SPAG6: variants seen among roughly 807,000 people sequenced by gnomAD.
SPAG6 encodes the protein sperm-associated antigen 6.
A neutral mutation model predicts 58.5 loss-of-function variants in SPAG6; 49 were observed. That is an observed-to-expected ratio of 0.84 (90% confidence interval 0.67 to 1.06). The LOEUF is 1.06. Ranked by LOEUF, SPAG6 falls within the 50% of genes least tolerant of loss-of-function variation. The pLI, the probability that SPAG6 is intolerant of heterozygous loss-of-function variation, is 0.00. For missense variants in SPAG6, 560 were observed against 611.3 expected, an observed-to-expected ratio of 0.92 and a Z score of 0.89; for synonymous variants, 233 against 225.6, an observed-to-expected ratio of 1.03 and a Z score of -0.29.
At chr10:22,376,926 A>G (rs183810794) in intron 4 of SPAG6, among the ~76,000 whole-genome samples, 72 of 152,168 alleles carry the variant, frequency 4.7e-4, no homozygotes, top group Admixed American at 1.0e-3. Flanking sequence ...CTCTTAAAAA[A>G]AAAAATTAGC....
At chr10:22,400,282 T>G (rs1476728383) in intron 8 of SPAG6, among the ~76,000 whole-genome samples, 2 of 151,946 alleles carry the variant, frequency 1.3e-5, no homozygotes, top group African/African-American at 4.8e-5. Flanking sequence ...GCACAAAACC[T>G]CAGACAAGCA....
At position 22,377,031 on chromosome 10, in the gene SPAG6, C is replaced by G. The variant is rs577352327; in HGVS notation, c.472+8353C>G. ...TAAGCTATGATGGCGCCACTGCACT[C>G]TGGCCTGGGTGACAGAGTGAGATCC... On this transcript the variant is annotated intron_variant, in intron 4 of 10. Transcript: ENST00000376624. Among the ~76,000 whole-genome samples, 3 of 151,774 alleles carry G rather than the reference C, an allele frequency of 2.0e-5. No individual in the cohort carries two copies. The South Asian group carries it at 6.3e-4, about 32-fold the overall frequency.
intron 10 of SPAG6, among the ~76,000 whole-genome samples, chr10:22,414,041 G>A (rs930666602): frequency 1.3e-5 from 2 of 151,990 alleles, no homozygotes; most frequent in Non-Finnish European, 2.9e-5. Context: ...AAGGGGTCTG[G>A]ACTAGACATT....
At position 22,387,807 on chromosome 10, in the gene SPAG6, T is replaced by C. The variant is rs773958887; in HGVS notation, c.679-16T>C. 1.3e-6 allele frequency: 2 copies of C among 1,592,788 alleles called. No homozygotes were observed. Among genetic ancestry groups the C allele is most frequent in the South Asian group, 2.3e-5 (2 of 86,426 alleles). On this transcript the variant is annotated splice_polypyrimidine_tract_variant and intron_variant, in intron 5 of 10. Coordinates refer to ENST00000376624, the MANE Select transcript of SPAG6 (RefSeq NM_012443.4). ...ATATAGTGTTTTGTTGTTGTTGTTTTTTTTTTGCTTCACAGCATCAGATCC... is the reference window on the plus strand; with the variant it reads ...ATATAGTGTTTTGTTGTTGTTGTTTCTTTTTTGCTTCACAGCATCAGATCC...
chr10:22,413,106 G>A (rs1338387939), intron 10 of SPAG6: 4 of 128,456 alleles, frequency 3.1e-5, no homozygotes, highest in African/African-American at 1.3e-4. Flanking sequence ...AGTGTCCCCA[G>A]AATGAATGAC....
chr10:22,410,275 T>G (rs1409824727), intron 9 of SPAG6, among the ~76,000 whole-genome samples: 1 of 152,206 alleles, frequency 6.6e-6, no homozygotes, highest in South Asian at 2.1e-4. Flanking sequence ...GGGAAATGAA[T>G]GAATGAACTC....
At chr10:22,370,782 T>G in intron 4 of SPAG6, among the ~76,000 whole-genome samples, 1 of 152,352 alleles carries the variant, frequency 6.6e-6, no homozygotes, top group Middle Eastern at 3.4e-3. Flanking sequence ...TAGTACATGT[T>G]GATTGACAAA....
intron 10 of SPAG6, chr10:22,412,404 T>C: frequency 9.2e-7 from 1 of 1,091,420 alleles, no homozygotes; most frequent in Non-Finnish European, 1.3e-6. Flanking sequence ...AAAGCAATTT[T>C]AAGATTAAAA....
intron 7 of SPAG6, 148 bp from the exon 8 acceptor site, chr10:22,391,581 A>C (rs1171933766): frequency 6.5e-6 from 4 of 611,780 alleles, no homozygotes; most frequent in South Asian, 2.2e-5. Context: ...TTAAGAAATG[A>C]CAGCCCCTGT....
chr10:22,355,456 C>T (rs547244101), intron 2 of SPAG6, among the ~76,000 whole-genome samples: 49 of 152,294 alleles, frequency 3.2e-4, no homozygotes, highest in Admixed American at 2.0e-3. Context: ...TGAATCAACA[C>T]TGAATCACCA....
At chr10:22,412,820 C>T (rs1028199810) in intron 10 of SPAG6, 11 of 170,638 alleles carry the variant, frequency 6.4e-5, no homozygotes, top group Non-Finnish European at 1.4e-4. Flanking sequence ...ATCCGCCCAC[C>T]TTGGCCTCCC....
At chr10:22,356,342 C>G (rs888836000) in intron 2 of SPAG6, among the ~76,000 whole-genome samples, 2 of 152,150 alleles carry the variant, frequency 1.3e-5, no homozygotes, top group Non-Finnish European at 2.9e-5. Context: ...GAACGGCATT[C>G]CTTCGATTTG....
intron 8 of SPAG6, among the ~76,000 whole-genome samples, chr10:22,396,340 G>C (rs1438137199): frequency 6.6e-6 from 1 of 152,130 alleles, no homozygotes; most frequent in African/African-American, 2.4e-5. Context: ...TTTTATCAGG[G>C]GTTTCCACTT....
In SPAG6 at chr10:22,372,868, T is replaced by C. The variant is rs77125593; in HGVS notation, c.472+4190T>C. Reference sequence around the variant, plus strand: ...CATTCTACAACTTTTAAATTATTGATATAGTTGTCACATAGATGAGCAGAC... The same window carrying C: ...CATTCTACAACTTTTAAATTATTGACATAGTTGTCACATAGATGAGCAGAC... On this transcript the variant is annotated intron_variant, in intron 4 of 10. Transcript: ENST00000376624. Among the ~76,000 whole-genome samples the C allele has an allele frequency of 4.2e-3, 645 of 152,194 alleles. 2 individuals are homozygous for C. The highest frequency in any genetic ancestry group is 0.014 in the Middle Eastern group (4 of 292).
Position 22,345,916 on chromosome 10 carries a change from T to C in SPAG6, c.121+98T>C. 3 of 1,573,956 alleles carry C rather than the reference T, an allele frequency of 1.9e-6. No homozygotes were observed. The highest frequency in any genetic ancestry group is 1.7e-6 in the Non-Finnish European group (2 of 1,160,080). On this transcript the variant is annotated intron_variant, in intron 2 of 10. Transcript: ENST00000376624. The surrounding 1 kb of genome is among the most constrained non-coding windows in gnomAD (Gnocchi z 6.3). ...CCGTGGAGCTCTTGGGGAGCCGCAG[T>C]GTGGGGACCGGAGTTCGCAAAAGCA...
chr10:22,354,742 G>A (rs920794802), intron 2 of SPAG6, among the ~76,000 whole-genome samples: 2 of 152,182 alleles, frequency 1.3e-5, no homozygotes, highest in Non-Finnish European at 1.5e-5. Context: ...TAGGCACGGT[G>A]GCTCACGCCT....
At chr10:22,358,860 T>C (rs1327462303) in intron 2 of SPAG6, among the ~76,000 whole-genome samples, 1 of 152,190 alleles carries the variant, frequency 6.6e-6, no homozygotes, top group Non-Finnish European at 1.5e-5. Context: ...CACTTGATGG[T>C]GTTTATTTTG....
intron 4 of SPAG6, among the ~76,000 whole-genome samples, chr10:22,369,879 A>G (rs1426080605): frequency 6.6e-6 from 1 of 152,210 alleles, no homozygotes; most frequent in Non-Finnish European, 1.5e-5. Context: ...GTTTGACAAA[A>G]CTATTAAAGT....
chr10:22,371,474 G>T (rs1344400219), intron 4 of SPAG6, among the ~76,000 whole-genome samples: 2 of 151,986 alleles, frequency 1.3e-5, no homozygotes, highest in East Asian at 1.9e-4. Flanking sequence ...GGCTGGTCTC[G>T]AACTCCTCAC....
Sources: allele counts gnomAD v4.1 joint callset (sites outside exome capture counted in the v4.1 genomes callset), GRCh38; gene constraint gnomAD v4.1.1; non-coding constraint Gnocchi (gnomAD v3.1); transcripts MANE v1.5; gene names NCBI Gene and HGNC (gene_info 2026-07-23, HGNC 2026-07-21).